Variants in GALNTL6 observed in about 807,000 individuals in gnomAD.
GALNTL6 encodes the protein polypeptide N-acetylgalactosaminyltransferase-like 6.
Under a neutral mutation model 73.7 loss-of-function variants are expected in GALNTL6, and 46 were observed. The observed-to-expected ratio is 0.62, with a 90% confidence interval of 0.49 to 0.80. The LOEUF is 0.80. Ranked by LOEUF, GALNTL6 falls within the 30% of genes least tolerant of loss-of-function variation. The pLI, the probability that GALNTL6 is intolerant of heterozygous loss-of-function variation, is 0.00. For synonymous variants in GALNTL6, 259 were observed against 263.7 expected, an observed-to-expected ratio of 0.98 and a Z score of 0.17; for missense variants, 604 against 755.0, an observed-to-expected ratio of 0.80 and a Z score of 2.34.
chr4:172,346,241 G>A (rs540174220), intron 4 of GALNTL6, among the ~76,000 whole-genome samples: 1 of 152,328 alleles, frequency 6.6e-6, no homozygotes, highest in South Asian at 2.1e-4. Flanking sequence ...AGATAGATGT[G>A]TATATGATAT....
chr4:172,283,247 A>G (rs543252652), intron 3 of GALNTL6, among the ~76,000 whole-genome samples: 55 of 152,314 alleles, frequency 3.6e-4, no homozygotes, highest in Admixed American at 1.8e-3. Context: ...GAAGAATAGT[A>G]AAGATGTTAA....
At chr4:172,800,821 T>C (rs1740598726) in intron 5 of GALNTL6, among the ~76,000 whole-genome samples, 1 of 59,400 alleles carries the variant, frequency 1.7e-5, no homozygotes, top group South Asian at 6.6e-4. Flanking sequence ...GTAAAAGTTA[T>C]GTCATCGGAA....
chr4:172,057,716 AAAAAAAAAAAAATATATATAT>A (rs1409244610), intron 2 of GALNTL6, among the ~76,000 whole-genome samples: 3 of 108,072 alleles, frequency 2.8e-5, no homozygotes, highest in African/African-American at 1.1e-4. Context: ...AAAAAAAAAA[AAAAAAAAAAAAATATATATAT>A]ATATATATAT....
At chr4:172,001,571 G>A (rs895585598) in intron 2 of GALNTL6, among the ~76,000 whole-genome samples, 2 of 152,094 alleles carry the variant, frequency 1.3e-5, no homozygotes, top group East Asian at 1.9e-4. Context: ...CCAATAAGCT[G>A]CTTGCTTTGA....
intron 5 of GALNTL6, among the ~76,000 whole-genome samples, chr4:172,499,990 C>G (rs1004727014): frequency 6.6e-6 from 1 of 151,848 alleles, no homozygotes; most frequent in African/African-American, 2.4e-5. Flanking sequence ...AGAGGGAATA[C>G]AACCAAAAAA....
intron 10 of GALNTL6, among the ~76,000 whole-genome samples, chr4:172,986,581 A>G (rs1751298070): frequency 1.3e-5 from 2 of 152,198 alleles, no homozygotes; most frequent in South Asian, 4.1e-4. Flanking sequence ...ATCATCTCAT[A>G]TATTTTTAGT....
chr4:172,257,868 T>G (rs1251181564), intron 3 of GALNTL6, among the ~76,000 whole-genome samples: 1 of 151,306 alleles, frequency 6.6e-6, no homozygotes, highest in Non-Finnish European at 1.5e-5. Context: ...TATGTACTGT[T>G]GATTTCCTAA....
chr4:172,177,971 C>T (rs1239609159), intron 2 of GALNTL6, among the ~76,000 whole-genome samples: 1 of 151,778 alleles, frequency 6.6e-6, no homozygotes, highest in East Asian at 2.0e-4. Flanking sequence ...ATATGTCATT[C>T]AATGATATCA....
chr4:172,953,282 T>C (rs1313234640), intron 10 of GALNTL6, among the ~76,000 whole-genome samples: 2 of 152,212 alleles, frequency 1.3e-5, no homozygotes, highest in Non-Finnish European at 2.9e-5. Context: ...CTCCGTAGAA[T>C]AGAGTGTGCT....
intron 3 of GALNTL6, among the ~76,000 whole-genome samples, chr4:172,291,890 C>A (rs923471227): frequency 6.6e-6 from 1 of 152,010 alleles, no homozygotes; most frequent in African/African-American, 2.4e-5. Context: ...CAATTCAAGT[C>A]ATGTATTTAA....
intron 5 of GALNTL6, among the ~76,000 whole-genome samples, chr4:172,595,351 C>T (rs1320934079): frequency 6.6e-6 from 1 of 152,110 alleles, no homozygotes; most frequent in Non-Finnish European, 1.5e-5. Context: ...TGAGTCATTA[C>T]GAACTAGGCT....
chr4:172,983,923 AT>A (rs61214068), intron 10 of GALNTL6, among the ~76,000 whole-genome samples: 6,958 of 145,230 alleles, frequency 0.048, 323 homozygotes, highest in African/African-American at 0.13. Context: ...CTCCCGGTTG[AT>A]TTTTTTTTTT....
intron 11 of GALNTL6, among the ~76,000 whole-genome samples, chr4:173,010,175 A>C (rs1752483150): frequency 6.6e-6 from 1 of 152,088 alleles, no homozygotes; most frequent in Non-Finnish European, 1.5e-5. Context: ...TACCCTTGCC[A>C]GCCTCTGGTA....
At chr4:172,604,297 C>G (rs527852703) in intron 5 of GALNTL6, among the ~76,000 whole-genome samples, 1 of 152,040 alleles carries the variant, frequency 6.6e-6, no homozygotes, top group East Asian at 1.9e-4. Context: ...ATCTAGGTGT[C>G]TCTGTTATAT....
At chr4:172,732,925 G>T (rs901759388) in intron 5 of GALNTL6, among the ~76,000 whole-genome samples, 2 of 152,122 alleles carry the variant, frequency 1.3e-5, no homozygotes, top group African/African-American at 4.8e-5. Flanking sequence ...TTAACAGGTT[G>T]CCATGCTATT....
chr4:172,285,934 T>C (rs1460888614), intron 3 of GALNTL6, among the ~76,000 whole-genome samples: 1 of 152,196 alleles, frequency 6.6e-6, no homozygotes, highest in Non-Finnish European at 1.5e-5. Context: ...GACTGAGTAC[T>C]TGGATGAAAA....
intron 7 of GALNTL6, among the ~76,000 whole-genome samples, chr4:172,831,981 C>T (rs967830395): frequency 6.6e-6 from 1 of 152,186 alleles, no homozygotes; most frequent in Admixed American, 6.5e-5. Context: ...TGTGTGTAAG[C>T]CACCAGCTCT....
At chr4:172,267,887 C>A (rs1738504083) in intron 3 of GALNTL6, among the ~76,000 whole-genome samples, 1 of 152,060 alleles carries the variant, frequency 6.6e-6, no homozygotes, top group Admixed American at 6.6e-5. Context: ...GAAAAAATGG[C>A]ACTCTAACAC....
At chr4:172,383,338 C>T (rs2086807) in intron 5 of GALNTL6, among the ~76,000 whole-genome samples, 145,770 of 152,178 alleles carry the variant, frequency 0.96, 70,103 homozygotes, top group East Asian at 1. Context: ...TTTTGTTACA[C>T]TTATTTATAA....
Sources: gnomAD v4.1 joint callset for allele counts (sites outside exome capture counted in the v4.1 genomes callset) on GRCh38, gnomAD v4.1.1 for gene constraint, MANE v1.5 for transcripts, NCBI Gene and HGNC (gene_info 2026-07-23, HGNC 2026-07-21) for gene names.